ZHX2: variants seen among roughly 807,000 people sequenced by gnomAD.
The protein encoded by ZHX2 is zinc fingers and homeoboxes protein 2.
Under a neutral mutation model 21.9 loss-of-function variants are expected in ZHX2, and 6 were observed. That is an observed-to-expected ratio of 0.27 (90% confidence interval 0.15 to 0.54). The LOEUF (loss-of-function observed/expected upper bound fraction) is 0.54, where lower values mean the gene tolerates loss of function less well. Among genes scored for constraint, ZHX2 ranks in the 20% least tolerant of loss-of-function variants. The pLI, the probability that ZHX2 is intolerant of heterozygous loss-of-function variation, is 0.95. For missense variants in ZHX2, 908 were observed against 1,090.7 expected (o/e 0.83, Z 2.36); for synonymous variants, 434 against 437.1 (o/e 0.99, Z 0.09).
intron 1 of ZHX2, among the ~76,000 whole-genome samples, chr8:122,861,862 C>T (rs572679559): frequency 2.0e-5 from 3 of 152,282 alleles, no homozygotes; most frequent in African/African-American, 4.8e-5. Flanking sequence ...TTGTTCTTCT[C>T]GCAGGTCAGT....
intron 1 of ZHX2, among the ~76,000 whole-genome samples, chr8:122,849,906 G>C (rs1818847717): frequency 6.6e-6 from 1 of 152,084 alleles, no homozygotes; most frequent in Admixed American, 6.5e-5. Flanking sequence ...GCAAACGTTT[G>C]TTCTTTTCAT....
intron 1 of ZHX2, among the ~76,000 whole-genome samples, chr8:122,852,141 G>C (rs1233623636): frequency 6.6e-6 from 1 of 152,054 alleles, no homozygotes; most frequent in African/African-American, 2.4e-5. Context: ...CTAGAAATGG[G>C]GCATACAGGT....
intron 1 of ZHX2, among the ~76,000 whole-genome samples, chr8:122,838,590 T>TG (rs1474638580): frequency 1.3e-5 from 2 of 150,100 alleles, no homozygotes; most frequent in Non-Finnish European, 3.0e-5. Context: ...TTTTTTTTTT[T>TG]TTTTGAGACA....
chr8:122,880,789 AT>A (rs1290371481), intron 2 of ZHX2, among the ~76,000 whole-genome samples: 7,261 of 145,644 alleles, frequency 0.05, 319 homozygotes, highest in Admixed American at 0.09. Flanking sequence ...AAAAAAAAAA[AT>A]AGAGAGAGTG....
chr8:122,862,289 G>A (rs1586336967), intron 1 of ZHX2, among the ~76,000 whole-genome samples: 1 of 152,204 alleles, frequency 6.6e-6, no homozygotes. Context: ...CCACGTGAAC[G>A]TGGCTTTGGA....
chr8:122,926,385 C>T (rs1360731339), intron 2 of ZHX2, among the ~76,000 whole-genome samples: 1 of 152,134 alleles, frequency 6.6e-6, no homozygotes, highest in African/African-American at 2.4e-5. Flanking sequence ...AAGGCTATGT[C>T]CTGCACTAGG....
chr8:122,892,751 C>G (rs1165680368), intron 2 of ZHX2, among the ~76,000 whole-genome samples: 1 of 152,170 alleles, frequency 6.6e-6, no homozygotes, highest in Non-Finnish European at 1.5e-5. Flanking sequence ...AAGGCACAAT[C>G]TTGGCTCACT....
rs1257409088 is a variant in ZHX2 at position 122,828,308 on chromosome 8, A to G, written c.-282-35169A>G. Among the ~76,000 whole-genome samples, 1 of 152,190 alleles carries G rather than the reference A, an allele frequency of 6.6e-6. No individual in the cohort carries two copies. The highest frequency in any genetic ancestry group is 1.5e-5 in the Non-Finnish European group (1 of 68,032). ...CTGTTTCTTCAGGAGCTGAAGATAG[A>G]GAAAGTATCTGTACAGTGCATGTGC... On this transcript the variant is annotated intron_variant, in intron 1 of 3. Transcript: ENST00000314393. The surrounding 1 kb of genome is among the most constrained non-coding windows in gnomAD (Gnocchi z 5.2).
At chr8:122,781,134 C>G (rs1314677455), upstream of ZHX2, 1 of 152,202 alleles carries the variant, frequency 6.6e-6, no homozygotes, top group Non-Finnish European at 1.5e-5. The surrounding 1 kb of genome is among the most constrained non-coding windows in gnomAD (Gnocchi z 4.6). Flanking sequence ...GCGCAGGCAG[C>G]GCCCAGGGTG....
intron 1 of ZHX2, among the ~76,000 whole-genome samples, chr8:122,786,454 T>C (rs968226925): frequency 1.3e-4 from 20 of 152,208 alleles, no homozygotes; most frequent in African/African-American, 4.1e-4. Flanking sequence ...GAGCTGTTAC[T>C]TACCTCAATT....
At chr8:122,924,820 G>A (rs1435193917) in intron 2 of ZHX2, among the ~76,000 whole-genome samples, 4 of 152,202 alleles carry the variant, frequency 2.6e-5, no homozygotes, top group African/African-American at 9.7e-5. Context: ...TGTAGCTTCT[G>A]ATCTTTAAGT....
intron 3 of ZHX2, among the ~76,000 whole-genome samples, chr8:122,972,690 AG>A (rs1813756004): frequency 6.6e-6 from 1 of 152,228 alleles, no homozygotes; most frequent in Admixed American, 6.5e-5. Context: ...ACCATGTGCC[AG>A]GCACTAGTCC....
At chr8:122,959,840 C>A (rs956600295) in intron 3 of ZHX2, among the ~76,000 whole-genome samples, 3 of 152,194 alleles carry the variant, frequency 2.0e-5, no homozygotes, top group Non-Finnish European at 4.4e-5. Flanking sequence ...CTTCCACTTA[C>A]TTAATTCTGG....
chr8:122,866,658 G>A (rs942473973), intron 2 of ZHX2, among the ~76,000 whole-genome samples: 3 of 152,184 alleles, frequency 2.0e-5, no homozygotes, highest in African/African-American at 7.2e-5. Flanking sequence ...GATGGCATGA[G>A]GGGATCAATT....
chr8:122,895,831 C>G (rs1244361902), intron 2 of ZHX2, among the ~76,000 whole-genome samples: 3 of 152,098 alleles, frequency 2.0e-5, no homozygotes, highest in Non-Finnish European at 2.9e-5. Context: ...AAAAAATCTC[C>G]CATTAGATTC....
chr8:122,845,715 G>A (rs1355369973), intron 1 of ZHX2, among the ~76,000 whole-genome samples: 1 of 152,166 alleles, frequency 6.6e-6, no homozygotes, highest in African/African-American at 2.4e-5. Context: ...CCCACTCCTG[G>A]TGGCCCCACA....
At chr8:122,887,779 A>C (rs2129838997) in intron 2 of ZHX2, among the ~76,000 whole-genome samples, 1 of 152,150 alleles carries the variant, frequency 6.6e-6, no homozygotes, top group Admixed American at 6.5e-5. Flanking sequence ...GGGCTGAGAA[A>C]GGTTTTTCCA....
chr8:122,817,333 C>T (rs531433839), intron 1 of ZHX2, among the ~76,000 whole-genome samples: 137 of 152,302 alleles, frequency 9.0e-4, no homozygotes, highest in African/African-American at 3.2e-3. Flanking sequence ...GCCCCACCTG[C>T]CCACTCACTG....
chr8:122,935,918 T>G (rs932049207), intron 2 of ZHX2, among the ~76,000 whole-genome samples: 16 of 152,182 alleles, frequency 1.1e-4, no homozygotes. Context: ...TGTTTTCTGG[T>G]TACTTTCTGT....
Sources: gnomAD v4.1 joint callset for allele counts (sites outside exome capture counted in the v4.1 genomes callset) on GRCh38, gnomAD v4.1.1 for gene constraint, Gnocchi (gnomAD v3.1) non-coding constraint, MANE v1.5 for transcripts, NCBI Gene and HGNC (gene_info 2026-07-23, HGNC 2026-07-21) for gene names.